Variants in RBFOX1 observed in about 807,000 individuals in gnomAD.
RBFOX1 encodes RNA binding fox-1 homolog 1.
In RBFOX1, 8 loss-of-function variants were observed where a neutral mutation model predicts 57.7. That is an observed-to-expected ratio of 0.14 (90% CI 0.08 to 0.25). RBFOX1 has a LOEUF of 0.25. Ranked by LOEUF, RBFOX1 falls within the 10% of genes least tolerant of loss-of-function variation. The pLI is 1.00. For synonymous variants in RBFOX1, 326 were observed against 222.4 expected (o/e 1.47, Z -4.15); for missense variants, 611 against 548.5 (o/e 1.11, Z -1.14).
At chr16:6,781,073 C>A (rs1353458079) in intron 3 of RBFOX1, among the ~76,000 whole-genome samples, 1 of 152,090 alleles carries the variant, frequency 6.6e-6, no homozygotes, top group Non-Finnish European at 1.5e-5. Context: ...TTACCCACAC[C>A]CATGTCTGGA....
At chr16:6,036,668 C>A (rs1424256604) in intron 1 of RBFOX1, among the ~76,000 whole-genome samples, 3 of 152,080 alleles carry the variant, frequency 2.0e-5, no homozygotes, top group African/African-American at 7.2e-5. Context: ...ATGTTTTAGT[C>A]TGTGAGAGAT....
chr16:6,517,189 G>A (rs185131905), intron 2 of RBFOX1, among the ~76,000 whole-genome samples: 3 of 152,246 alleles, frequency 2.0e-5, no homozygotes, highest in Admixed American at 6.5e-5. Flanking sequence ...CTTCTGACAA[G>A]CCACTTTATG....
chr16:5,648,585 C>T (rs2151353882), intron 3 of RBFOX1, among the ~76,000 whole-genome samples: 1 of 152,128 alleles, frequency 6.6e-6, no homozygotes, highest in South Asian at 2.1e-4. Flanking sequence ...CCCTATGATG[C>T]ACAGGACATC....
chr16:5,408,305 C>T (rs1458433079), intron 1 of RBFOX1, among the ~76,000 whole-genome samples: 1 of 152,212 alleles, frequency 6.6e-6, no homozygotes, highest in Non-Finnish European at 1.5e-5. Flanking sequence ...TTGAACTCAG[C>T]TCCGCCACTG....
At chr16:7,538,729 A>T (rs565464968) in intron 5 of RBFOX1, among the ~76,000 whole-genome samples, 1 of 152,314 alleles carries the variant, frequency 6.6e-6, no homozygotes, top group Non-Finnish European at 1.5e-5. Flanking sequence ...ATTTGGGTGA[A>T]GTTTAGCTGT....
intron 2 of RBFOX1, among the ~76,000 whole-genome samples, chr16:6,556,506 C>T (rs572379866): frequency 1.3e-5 from 2 of 152,154 alleles, no homozygotes; most frequent in African/African-American, 2.4e-5. Context: ...AGGAAGTCCA[C>T]GGCGCATTAA....
chr16:6,663,431 G>C (rs1034520430), intron 3 of RBFOX1, among the ~76,000 whole-genome samples: 7 of 152,198 alleles, frequency 4.6e-5, no homozygotes, highest in Admixed American at 6.5e-5. Flanking sequence ...ATTAGTGCCA[G>C]TCTCTTGCCC....
chr16:6,608,820 G>C (rs2097989747), intron 2 of RBFOX1, among the ~76,000 whole-genome samples: 1 of 152,232 alleles, frequency 6.6e-6, no homozygotes, highest in East Asian at 1.9e-4. Flanking sequence ...GTAGAGATCA[G>C]AAGTCTGCAG....
At chr16:6,749,165 G>A (rs991244958) in intron 3 of RBFOX1, among the ~76,000 whole-genome samples, 1 of 152,168 alleles carries the variant, frequency 6.6e-6, no homozygotes, top group African/African-American at 2.4e-5. Flanking sequence ...AAAAGTTATG[G>A]TCTCAGGCAG....
At chr16:5,662,842 C>G (rs149063636) in intron 3 of RBFOX1, among the ~76,000 whole-genome samples, 1 of 152,274 alleles carries the variant, frequency 6.6e-6, no homozygotes, top group Admixed American at 6.5e-5. Context: ...GTTTCCTTAT[C>G]TGCATAATGA....
intron 4 of RBFOX1, among the ~76,000 whole-genome samples, chr16:5,938,899 G>T (rs1207350217): frequency 6.6e-6 from 1 of 152,124 alleles, no homozygotes; most frequent in East Asian, 1.9e-4. Flanking sequence ...CTAAATTTTG[G>T]GATGGCTATT....
At chr16:6,652,904 A>G (rs546076346) in intron 2 of RBFOX1, among the ~76,000 whole-genome samples, 3 of 152,332 alleles carry the variant, frequency 2.0e-5, no homozygotes, top group Non-Finnish European at 2.9e-5. Context: ...ATTGTTAATG[A>G]TATTGTATTT....
intron 3 of RBFOX1, among the ~76,000 whole-genome samples, chr16:6,709,508 C>T (rs891751220): frequency 6.6e-6 from 1 of 152,202 alleles, no homozygotes; most frequent in Non-Finnish European, 1.5e-5. Flanking sequence ...ACTGTTGCAG[C>T]AGCATTTTCT....
intron 4 of RBFOX1, among the ~76,000 whole-genome samples, chr16:7,320,754 A>T (rs2096530862): frequency 6.6e-6 from 1 of 152,270 alleles, no homozygotes; most frequent in Non-Finnish European, 1.5e-5. Flanking sequence ...ATAAAGCTCA[A>T]ACACTTACAA....
intron 4 of RBFOX1, among the ~76,000 whole-genome samples, chr16:7,378,007 C>G (rs2097716034): frequency 6.6e-6 from 1 of 152,138 alleles, no homozygotes; most frequent in Non-Finnish European, 1.5e-5. Flanking sequence ...TGTGCAAAGT[C>G]TCTAAAGTTA....
At chr16:6,142,388 A>AT (rs1316161919) in intron 1 of RBFOX1, among the ~76,000 whole-genome samples, 2 of 151,404 alleles carry the variant, frequency 1.3e-5, no homozygotes, top group Non-Finnish European at 2.9e-5. Flanking sequence ...CACGTGGCTA[A>AT]TTTTTTGTAT....
At chr16:7,575,497 AG>A (rs771486674) in intron 5 of RBFOX1, among the ~76,000 whole-genome samples, 1 of 152,120 alleles carries the variant, frequency 6.6e-6, no homozygotes. Context: ...AGAGGGAAGT[AG>A]GGACTGTGGA....
In RBFOX1 at chr16:7,472,040, T is replaced by C. The variant is rs569676018; in HGVS notation, c.28-46107T>C. Among the ~76,000 whole-genome samples, 4 of 152,200 alleles carry C rather than the reference T, an allele frequency of 2.6e-5. 1 individual carries two copies. The highest frequency in any genetic ancestry group is 5.9e-5 in the Non-Finnish European group (4 of 68,024). Reference sequence around the variant, plus strand: ...TTGGTGAACACACTTTAGTATATATTTGACACAATTTAGCTGCTATGCCTG... The same window carrying C: ...TTGGTGAACACACTTTAGTATATATCTGACACAATTTAGCTGCTATGCCTG... On this transcript the variant is annotated intron_variant, in intron 4 of 15. Transcript: ENST00000550418.
chr16:5,560,066 A>C (rs2045837082), intron 2 of RBFOX1, among the ~76,000 whole-genome samples: 1 of 152,192 alleles, frequency 6.6e-6, no homozygotes, highest in African/African-American at 2.4e-5. Context: ...CCAGAGTGTC[A>C]ACAGTGCTTA....
Sources: allele counts gnomAD v4.1 joint callset (sites outside exome capture counted in the v4.1 genomes callset), GRCh38; gene constraint gnomAD v4.1.1; transcripts MANE v1.5; gene names NCBI Gene and HGNC (gene_info 2026-07-23, HGNC 2026-07-21).